The following SLC12A6 variants were observed in gnomAD, a reference collection of about 807,000 sequenced individuals.
SLC12A6 encodes solute carrier family 12 member 6, also known as K-Cl cotransporter 3.
In SLC12A6, 66 loss-of-function variants were observed where a neutral mutation model predicts 135.3. The observed-to-expected ratio is 0.49, with a 90% CI of 0.40 to 0.60. The LOEUF is 0.60. Ranked by LOEUF, SLC12A6 falls within the 20% of genes least tolerant of loss-of-function variation. The probability of loss-of-function intolerance (pLI) is 0.00; values close to 1 mark genes in which losing one functional copy is unlikely to be tolerated. For synonymous variants in SLC12A6, 513 were observed against 508.8 expected, an observed-to-expected ratio of 1.01 and a Z score of -0.11; for missense variants, 1,058 against 1,452.3, an observed-to-expected ratio of 0.73 and a Z score of 4.41.
intron 3 of SLC12A6, among the ~76,000 whole-genome samples, 199 bp downstream of exon 3, chr15:34,275,146 T>C (rs111442305): frequency 1.3e-5 from 2 of 152,342 alleles, no homozygotes; most frequent in African/African-American, 4.8e-5. Context: ...TTAATTTAAC[T>C]GAGTCTTAGT....
At chr15:34,321,721 C>T (rs1211556801) in intron 2 of SLC12A6, among the ~76,000 whole-genome samples, 1 of 152,136 alleles carries the variant, frequency 6.6e-6, no homozygotes, top group Non-Finnish European at 1.5e-5. Context: ...CTTAGGTATA[C>T]ATTCACAAGA....
chr15:34,258,725 G>T, intron 5 of SLC12A6, 88 bp downstream of exon 5: 2 of 1,125,760 alleles, frequency 1.8e-6, no homozygotes, highest in Non-Finnish European at 2.7e-6. Context: ...ATAAATAGCT[G>T]CTGAACACAG....
chr15:34,301,904 T>C (rs1172083724), intron 2 of SLC12A6, among the ~76,000 whole-genome samples: 1 of 152,236 alleles, frequency 6.6e-6, no homozygotes, highest in Non-Finnish European at 1.5e-5. Context: ...AGCAAACCAG[T>C]GCTATTTAGT....
intron 2 of SLC12A6, among the ~76,000 whole-genome samples, chr15:34,332,747 C>T (rs942823299): frequency 1.3e-5 from 2 of 150,874 alleles, no homozygotes; most frequent in African/African-American, 4.9e-5. Flanking sequence ...AGCGCCACTG[C>T]ACTCCAGCCT....
At position 34,240,836 on chromosome 15, in the gene SLC12A6, A is replaced by G. The variant is rs751437494; in HGVS notation, c.2268-7T>C. On this transcript the variant is annotated splice_polypyrimidine_tract_variant and splice_region_variant and intron_variant, in intron 18 of 25. Coordinates refer to ENST00000354181, the MANE Select transcript of SLC12A6 (RefSeq NM_001365088.1). ...TAATACAAGCAACTGAGGCCTGTGA[A>G]GAGGTTGGTGGGGGTTGGAGGGGAG... The G allele has an allele frequency of 6.2e-7, 1 of 1,611,128 alleles. No individual in the cohort carries two copies. The highest frequency in any genetic ancestry group is 1.1e-5 in the South Asian group (1 of 90,696).
chr15:34,275,305 G>A, intron 3 of SLC12A6, 40 bp downstream of exon 3: 2 of 1,032,612 alleles, frequency 1.9e-6, no homozygotes, highest in East Asian at 2.4e-5. Flanking sequence ...TGAGTTAAGG[G>A]TGACTTTGGA....
At chr15:34,303,251 A>C (rs1227812768) in intron 2 of SLC12A6, among the ~76,000 whole-genome samples, 1 of 152,188 alleles carries the variant, frequency 6.6e-6, no homozygotes, top group East Asian at 1.9e-4. Flanking sequence ...TCAAAGGTTA[A>C]CTGCTTAATG....
intron 2 of SLC12A6, among the ~76,000 whole-genome samples, chr15:34,278,908 T>TA (rs1894480468): frequency 1.2e-3 from 3 of 2,408 alleles, no homozygotes; most frequent in South Asian, 0.021. Context: ...AAGTTCAACT[T>TA]AGATTTTTAT....
chr15:34,270,844 AAGAG>A (rs58810559), intron 3 of SLC12A6, among the ~76,000 whole-genome samples: 6 of 143,954 alleles, frequency 4.2e-5, no homozygotes, highest in East Asian at 2.2e-4. Flanking sequence ...AAAAAAAAAA[AAGAG>A]AGAGAGAAAA....
In SLC12A6 at chr15:34,258,882, A is replaced by G; in HGVS notation, c.474T>C (p.Asn158=). ...CATGTTCCTTTGCTCCTTGAGTCAG[A>G]TTAGTGTAATTGGCCATGCGGTTGA... ...SLLNRMANYT[N]LTQGAKEHEE... The change falls in exon 5 of 26, where the codon AAT becomes AAC. Residue 158 remains asparagine (N), a synonymous_variant. Transcript: ENST00000354181. The G allele has an allele frequency of 3.1e-6, 5 of 1,612,108 alleles. No homozygotes were observed. The African/African-American group carries it at 6.7e-5, about 21-fold the overall frequency.
At chr15:34,295,400 TA>T (rs1895814166) in intron 2 of SLC12A6, among the ~76,000 whole-genome samples, 1 of 152,188 alleles carries the variant, frequency 6.6e-6, no homozygotes, top group Non-Finnish European at 1.5e-5. Flanking sequence ...ATAGGAATAA[TA>T]CTATATCACA....
chr15:34,334,081 A>C (rs532609902), intron 2 of SLC12A6, among the ~76,000 whole-genome samples: 4 of 151,924 alleles, frequency 2.6e-5, no homozygotes, highest in African/African-American at 9.7e-5. Flanking sequence ...AAAAAAAAAA[A>C]AAACAAAAAA....
At chr15:34,328,986 A>AT (rs1467089772) in intron 2 of SLC12A6, among the ~76,000 whole-genome samples, 2 of 152,246 alleles carry the variant, frequency 1.3e-5, no homozygotes, top group African/African-American at 4.8e-5. Context: ...TACTTGTAAA[A>AT]CTTATAAAAC....
At chr15:34,292,093 C>G (rs575769873) in intron 2 of SLC12A6, among the ~76,000 whole-genome samples, 1 of 152,298 alleles carries the variant, frequency 6.6e-6, no homozygotes, top group African/African-American at 2.4e-5. Flanking sequence ...TTTAGCCTTT[C>G]TGCTCTGGTT....
chr15:34,318,929 T>G, intron 2 of SLC12A6: 1 of 858,020 alleles, frequency 1.2e-6, no homozygotes, highest in Middle Eastern at 4.2e-4. Flanking sequence ...TGCTTATTGT[T>G]ATTAACCTGA....
At chr15:34,330,710 G>A (rs1163030652) in intron 2 of SLC12A6, among the ~76,000 whole-genome samples, 1 of 151,812 alleles carries the variant, frequency 6.6e-6, no homozygotes, top group Non-Finnish European at 1.5e-5. Context: ...AAACTATCAA[G>A]AGGATGCTTC....
intron 2 of SLC12A6, among the ~76,000 whole-genome samples, chr15:34,324,717 C>T (rs1383813639): frequency 1.3e-5 from 2 of 151,990 alleles, no homozygotes; most frequent in Non-Finnish European, 2.9e-5. Flanking sequence ...AGAGGGCTAC[C>T]GGTAGGGAAA....
chr15:34,311,606 GCT>G (rs1396513824), intron 2 of SLC12A6, among the ~76,000 whole-genome samples: 3 of 152,170 alleles, frequency 2.0e-5, no homozygotes, highest in African/African-American at 7.2e-5. Flanking sequence ...TTGAACATTG[GCT>G]CTGCTACTCA....
At chr15:34,302,957 C>CAAAAA (rs35647149) in intron 2 of SLC12A6, among the ~76,000 whole-genome samples, 1 of 83,288 alleles carries the variant, frequency 1.2e-5, no homozygotes, top group Non-Finnish European at 2.7e-5. Context: ...GACCCTGTCT[C>CAAAAA]AAAAAAAAAA....
Sources: gnomAD v4.1 joint callset for allele counts (sites outside exome capture counted in the v4.1 genomes callset) on GRCh38, gnomAD v4.1.1 for gene constraint, MANE v1.5 for transcripts, NCBI Gene and HGNC (gene_info 2026-07-23, HGNC 2026-07-21) for gene names.